The following CHD8 variants were observed in gnomAD, a reference collection of about 807,000 sequenced individuals.
CHD8 encodes ATP-dependent chromatin remodeler CHD8.
CHD8 carries 31 observed loss-of-function variants against 279.2 expected under a neutral mutation model. That is an observed-to-expected ratio of 0.11 (90% CI 0.08 to 0.15). The LOEUF (loss-of-function observed/expected upper bound fraction) is 0.15. Among genes scored for constraint, CHD8 ranks in the 10% least tolerant of loss-of-function variants. CHD8 has a pLI of 1.00. For synonymous variants in CHD8, 1,081 were observed against 1,139.6 expected, an observed-to-expected ratio of 0.95 and a Z score of 1.04; for missense variants, 2,146 against 3,230.5, an observed-to-expected ratio of 0.66 and a Z score of 8.14.
intron 1 of CHD8, chr14:21,436,851 G>T: frequency 1.4e-6 from 1 of 709,790 alleles, no homozygotes; most frequent in Non-Finnish European, 2.1e-6. Context: ...GGGGTTGATG[G>T]AGAGGAAAAC....
rs928472084 is a variant in CHD8, at chr14:21,431,695, G to T, written c.-52C>A. Reference sequence around the variant, plus strand: ...TCCAAGGTCTAGGGAGGGAAGGGGAGGGGGGGTACTGGCTCTCCCCTCCCC... The same window carrying T: ...TCCAAGGTCTAGGGAGGGAAGGGGATGGGGGGTACTGGCTCTCCCCTCCCC... On this transcript the variant is annotated 5_prime_UTR_variant, in exon 2 of 38. Coordinates refer to ENST00000646647, the MANE Select transcript of CHD8 (RefSeq NM_001170629.2). 8.2e-6 allele frequency: 13 copies of T among 1,592,326 alleles called. No homozygotes were observed. Among genetic ancestry groups the T allele is most frequent in the Non-Finnish European group, 1.1e-5 (13 of 1,169,202 alleles).
chr14:21,404,426 A>G (rs536178593), intron 16 of CHD8, among the ~76,000 whole-genome samples: 1 of 151,940 alleles, frequency 6.6e-6, no homozygotes, highest in South Asian at 2.1e-4. Context: ...AAAAACTTAA[A>G]TCATCCTCAG....
intron 2 of CHD8, chr14:21,430,594 T>A (rs1424974387): frequency 1.8e-6 from 1 of 546,434 alleles, no homozygotes; most frequent in African/African-American, 1.9e-5. Flanking sequence ...ACAATGTAAA[T>A]GTGTAGTAAG....
rs1220146450 is a variant in CHD8, at chr14:21,391,045, T to G, written c.7084A>C (p.Lys2362Gln). The G allele has an allele frequency of 1.3e-6, 2 of 1,586,074 alleles. No individual in the cohort carries two copies. Among genetic ancestry groups the G allele is most frequent in the Admixed American group, 3.6e-5 (2 of 55,606 alleles). Residue 2362 changes from lysine to glutamine, a missense_variant, in exon 37 of 38, where the codon AAA becomes CAA. Lys to Gln is a moderately conservative substitution (Grantham distance 53). Coordinates refer to ENST00000646647, the MANE Select transcript of CHD8 (RefSeq NM_001170629.2). ...RFLAYMEDRR[K>Q]QKWQRCKKNN... ...TTTTTACATCTTTGCCACTTCTGTT[T>G]TCTGCGATCCTCCATATACTGCAAT...
rs182314285 is a variant in CHD8 at position 21,426,898 on chromosome 14, C to T, written c.1602-656G>A. 7 of 152,390 alleles carry T rather than the reference C, an allele frequency of 4.6e-5. 1 individual carries two copies. The East Asian group carries it at 1.3e-3, about 29-fold the overall frequency. 9.4% of individuals were successfully genotyped at this position (152,390 alleles called of 1,614,324 possible). On this transcript the variant is annotated intron_variant, in intron 4 of 37. Coordinates refer to ENST00000646647, the MANE Select transcript of CHD8 (RefSeq NM_001170629.2). ...CCAATTCACAGAAGAGATGCAAGAA[C>T]AGGACAGCTATGTCTCCAGTAGTTC...
At position 21,385,852 on chromosome 14, in the gene CHD8, G is replaced by A. The variant is rs1255694014; in HGVS notation, c.7507C>T (p.His2503Tyr). ...AAGCCTGGATGGTGATGGTGGTGAT[G>A]GTGGGGGTGGGGGTGGTGGTGGTGG... ...HHHHHHPHPH[H>Y]HHHHHPGLRA... Residue 2503 changes from histidine (H) to tyrosine (Y), a missense_variant, in exon 38 of 38, where the codon CAT becomes TAT. Physicochemically the swap from His to Tyr is moderately conservative, Grantham distance 83. Around this residue, in one of 26 missense-constraint regions of CHD8, gnomAD observed 336 missense variants for 392.9 expected, o/e 0.86. Transcript: ENST00000646647. The A allele has an allele frequency of 6.5e-7, 1 of 1,545,970 alleles. No homozygotes were observed. Among genetic ancestry groups the A allele is most frequent in the South Asian group, 1.2e-5 (1 of 83,880 alleles).
chr14:21,397,896 C>A lies in CHD8; in HGVS notation c.4978G>T (p.Ala1660Ser), dbSNP rs1183811147. Residue 1660 changes from alanine to serine, a missense_variant, in exon 27 of 38, where the codon GCT (alanine) becomes TCT (serine). Physicochemically the swap from Ala to Ser is moderately conservative, Grantham distance 99. This residue lies in a region of CHD8 where 13 missense variants were observed against 48.7 expected (regional missense o/e 0.27). Transcript: ENST00000646647. ...ATTGCTTTGTCATCTGGTCGGCCAGCCTTTTCTAGGAAACATAAGGCTGGG... is the reference window on the plus strand; with the variant it reads ...ATTGCTTTGTCATCTGGTCGGCCAGACTTTTCTAGGAAACATAAGGCTGGG... ...ADPALCFLEKAGRPDDKAIAA... is the reference protein window; with the variant it reads ...ADPALCFLEKSGRPDDKAIAA... 1.9e-6 allele frequency: 3 copies of A among 1,612,326 alleles called. No individual in the cohort carries two copies.
chr14:21,409,557 T>C (rs929274888), intron 11 of CHD8, among the ~76,000 whole-genome samples: 1 of 152,198 alleles, frequency 6.6e-6, no homozygotes, highest in African/African-American at 2.4e-5. Flanking sequence ...GTAATAATGG[T>C]ATTATTTCTT....
chr14:21,401,180 G>C (rs1888017271), intron 21 of CHD8, 109 bp from the exon 22 acceptor site: 8 of 956,224 alleles, frequency 8.4e-6, no homozygotes, highest in Non-Finnish European at 1.2e-5. Context: ...TAGATACTCA[G>C]AGATTTTTTT....
Position 21,431,697 on chromosome 14 carries a change from G to T in CHD8, c.-54C>A, listed in dbSNP as rs1055482449. 13 of 1,595,696 alleles carry T rather than the reference G, an allele frequency of 8.1e-6. No individual in the cohort carries two copies. Among genetic ancestry groups the T allele is most frequent in the Admixed American group, 7.0e-5 (4 of 57,140 alleles). ...CAAGGTCTAGGGAGGGAAGGGGAGG[G>T]GGGGTACTGGCTCTCCCCTCCCCTC... On this transcript the variant is annotated 5_prime_UTR_variant, in exon 2 of 38. Transcript: ENST00000646647.
chr14:21,391,822 C>G lies in CHD8; in HGVS notation c.6885+11G>C, dbSNP rs1887556639. ...CTAATCGTCAGGTTAAAGACTTTCT[C>G]TACCACTCACCTCTACTAGCTTCTT... On this transcript the variant is annotated intron_variant, in intron 35 of 37. Coordinates refer to ENST00000646647, the MANE Select transcript of CHD8 (RefSeq NM_001170629.2). The G allele has an allele frequency of 6.3e-7, 1 of 1,593,466 alleles. No homozygotes were observed. The highest frequency in any genetic ancestry group is 1.7e-5 in the Admixed American group (1 of 59,982).
At chr14:21,401,363 G>T (rs371635478) in intron 21 of CHD8, 40 bp downstream of exon 21, 57 of 1,188,518 alleles carry the variant, frequency 4.8e-5, no homozygotes, top group South Asian at 7.0e-5. Context: ...AAAGTAGTGT[G>T]GTCTTCTGCG....
chr14:21,396,988 T>A (rs1450536635), intron 27 of CHD8: 1 of 171,832 alleles, frequency 5.8e-6, no homozygotes, highest in East Asian at 1.6e-4. Flanking sequence ...AATGTACCAT[T>A]CGTAATTGCT....
Position 21,401,406 on chromosome 14 carries a change from G to A in CHD8, c.4170C>T (p.Ser1390=), listed in dbSNP as rs745601329. 1 of 1,570,406 alleles carries A rather than the reference G, an allele frequency of 6.4e-7. No individual in the cohort carries two copies. The highest frequency in any genetic ancestry group is 2.3e-5 in the East Asian group (1 of 44,188). ...KADLDMDLLN[S]KNNLVIDTPR... is the part of the protein sequence containing the mutation. ...CTCCCTAAAAGAAGAAACTCACCTT[G>A]CTGTTGAGCAGATCCATGTCTAGGT... is the stretch of plus-strand genomic sequence containing the variant. The change falls in exon 21 of 38, where the codon AGC becomes AGT. Residue 1390 remains serine, a synonymous_variant. Coordinates refer to ENST00000646647, the MANE Select transcript of CHD8 (RefSeq NM_001170629.2).
intron 26 of CHD8, 59 bp from the exon 27 acceptor site, chr14:21,398,011 T>C: frequency 1.4e-6 from 2 of 1,467,910 alleles, no homozygotes; most frequent in Non-Finnish European, 9.3e-7. Flanking sequence ...TTATGCTTAC[T>C]TTATATGCTG....
chr14:21,413,519 C>T (rs148345971), intron 9 of CHD8, among the ~76,000 whole-genome samples: 46 of 151,808 alleles, frequency 3.0e-4, no homozygotes, highest in African/African-American at 9.7e-4. Context: ...TTCAGCCTCC[C>T]GAGTAGCTGG....
chr14:21,409,886 G>A lies in CHD8; in HGVS notation c.2329C>T (p.Arg777Trp), dbSNP rs747838726. The A allele has an allele frequency of 9.3e-6, 15 of 1,613,604 alleles. No homozygotes were observed. Among genetic ancestry groups the A allele is most frequent in the Admixed American group, 3.3e-5 (2 of 59,994 alleles). Residue 777 changes from arginine to tryptophan, a missense_variant, in exon 11 of 38, where the codon CGG becomes TGG. Physicochemically the swap from Arg to Trp is moderately radical, Grantham distance 101. Around this residue, in one of 26 missense-constraint regions of CHD8, gnomAD observed 211 missense variants for 464.7 expected, o/e 0.45. Transcript: ENST00000646647. ...AGTTCTGGGTGCCTTGACTGAATCCGTTTAAATTCTCGAATCTTGCCCTCA... is the reference window on the plus strand; with the variant it reads ...AGTTCTGGGTGCCTTGACTGAATCCATTTAAATTCTCGAATCTTGCCCTCA... The part of the protein sequence containing the change: ...VDEGKIREFK[R>W]IQSRHPELKR...
Position 21,386,097 on chromosome 14 carries a change from C to T in CHD8, c.7262G>A (p.Arg2421Lys), listed in dbSNP as rs759166402. ...CATCTTAGAAAGGTCTGGTCGCATCCTACGGGCCCGCTTCTTGCTGCTCTC... is the reference window on the plus strand; with the variant it reads ...CATCTTAGAAAGGTCTGGTCGCATCTTACGGGCCCGCTTCTTGCTGCTCTC... Reference protein sequence around the residue: ...APESSKKRARRMRPDLSKMMA... With the variant: ...APESSKKRARKMRPDLSKMMA... The change falls in exon 38 of 38, where the codon AGG becomes AAG. Residue 2421 changes from arginine to lysine, a missense_variant. Arg to Lys is a conservative substitution (Grantham distance 26). This residue lies in a region of CHD8 where 336 missense variants were observed against 392.9 expected (regional missense o/e 0.86). Transcript: ENST00000646647. 6.4e-7 allele frequency: 1 copy of T among 1,561,238 alleles called. No individual in the cohort carries two copies. The highest frequency in any genetic ancestry group is 8.7e-7 in the Non-Finnish European group (1 of 1,152,160).
In CHD8 at chr14:21,399,490, A is replaced by G. The variant is rs910923616; in HGVS notation, c.4921+112T>C. The G allele has an allele frequency of 1.3e-5, 10 of 745,968 alleles. No individual in the cohort carries two copies. The African/African-American group carries it at 1.6e-4, about 12-fold the overall frequency. The allele number at this position is 745,968 out of a possible 1,614,324, so 46.2% of individuals were successfully genotyped here. A position where few individuals can be genotyped will look rare whatever the true frequency, so the allele number is the denominator to read the frequency against. On this transcript the variant is annotated intron_variant, in intron 26 of 37. Coordinates refer to ENST00000646647, the MANE Select transcript of CHD8 (RefSeq NM_001170629.2). ...AAGAACTACTTTCCTACTCAAATTT[A>G]TTGAAGATCAATCAGATAACTGAGT...
Sources: gnomAD v4.1 joint callset for allele counts (sites outside exome capture counted in the v4.1 genomes callset) on GRCh38, gnomAD v4.1.1 for gene constraint, gnomAD v4.1.1 regional missense constraint, MANE v1.5 for transcripts, NCBI Gene and HGNC (gene_info 2026-07-23, HGNC 2026-07-21) for gene names.